Variants in TOGARAM1 observed in about 807,000 individuals in gnomAD.
TOGARAM1 encodes the protein TOG array regulator of axonemal microtubules 1.
In TOGARAM1, 100 loss-of-function variants were observed where a neutral mutation model predicts 166.6. The ratio of observed to expected loss-of-function variants is 0.60; its 90% CI spans 0.51 to 0.71. The LOEUF (loss-of-function observed/expected upper bound fraction) is 0.71, where lower values mean the gene tolerates loss of function less well. Among genes scored for constraint, TOGARAM1 ranks in the 30% least tolerant of loss-of-function variants. The pLI is 0.00. For missense variants in TOGARAM1, 2,029 were observed against 2,102.7 expected, an observed-to-expected ratio of 0.96 and a Z score of 0.69; for synonymous variants, 758 against 763.8, an observed-to-expected ratio of 0.99 and a Z score of 0.13.
chr14:45,060,793 A>G (rs978688926), intron 16 of TOGARAM1, among the ~76,000 whole-genome samples: 3 of 152,212 alleles, frequency 2.0e-5, no homozygotes, highest in African/African-American at 7.2e-5. Context: ...ACACCACAGA[A>G]GTGATGTTGT....
In TOGARAM1 at chr14:44,962,625, C is replaced by G; in HGVS notation, c.204C>G (p.Ala68=). 1 of 1,613,756 alleles carries G rather than the reference C, an allele frequency of 6.2e-7. No homozygotes were observed. Among genetic ancestry groups the G allele is most frequent in the Non-Finnish European group, 8.5e-7 (1 of 1,179,760 alleles). Residue 68 remains alanine, a synonymous_variant, in exon 1 of 20, where the codon GCC becomes GCG. Coordinates refer to ENST00000361462, the MANE Select transcript of TOGARAM1 (RefSeq NM_001308120.2). ...GSCPTTTSPL[A]SALLMPSEAV... ...GCCCCACTACAACTTCGCCTCTGGC[C>G]TCGGCCCTCTTGATGCCCTCGGAGG... is the stretch of plus-strand genomic sequence containing the variant.
intron 16 of TOGARAM1, among the ~76,000 whole-genome samples, chr14:45,057,486 G>C (rs1296839859): frequency 6.6e-6 from 1 of 151,924 alleles, no homozygotes; most frequent in Non-Finnish European, 1.5e-5. Flanking sequence ...AAGTGTAGTG[G>C]CATCATCATA....
At chr14:45,012,951 C>A in intron 7 of TOGARAM1, among the ~76,000 whole-genome samples, 1 of 152,178 alleles carries the variant, frequency 6.6e-6, no homozygotes, top group East Asian at 1.9e-4. Context: ...ATCTCACTTA[C>A]TTTGAAACTG....
At chr14:44,976,244 C>T (rs1348546626) in intron 1 of TOGARAM1, among the ~76,000 whole-genome samples, 4 of 152,168 alleles carry the variant, frequency 2.6e-5, no homozygotes, top group Admixed American at 6.5e-5. Context: ...TATCCTTATT[C>T]GTTGCCTATC....
intron 1 of TOGARAM1, among the ~76,000 whole-genome samples, chr14:44,989,922 T>C (rs1887040313): frequency 6.6e-6 from 1 of 152,166 alleles, no homozygotes. Context: ...AGGCACATCT[T>C]ACATGGCAGC....
In TOGARAM1 at chr14:45,004,160, A is replaced by C. The variant is rs764762357; in HGVS notation, c.2438A>C (p.Tyr813Ser). 9 of 1,613,990 alleles carry C rather than the reference A, an allele frequency of 5.6e-6. No homozygotes were observed. Among genetic ancestry groups the C allele is most frequent in the South Asian group, 3.3e-5 (3 of 91,082 alleles). Residue 813 changes from tyrosine to serine, a missense_variant, in exon 4 of 20, where the codon TAC becomes TCC. Tyr to Ser is a moderately radical substitution (Grantham distance 144). This residue lies in a region of TOGARAM1 where 1,453 missense variants were observed against 1,432.2 expected (regional missense o/e 1.01). Transcript: ENST00000361462. ...SNGQNPSPGA[Y>S]ILPSYPVSSP... The stretch of plus-strand genomic sequence containing the variant: ...GGTCAAAATCCAAGTCCAGGAGCTT[A>C]CATCCTTCCATCCTATCCTGTCTCA...
chr14:44,965,107 G>T (rs891530993), intron 1 of TOGARAM1, among the ~76,000 whole-genome samples: 3 of 152,094 alleles, frequency 2.0e-5, no homozygotes, highest in African/African-American at 7.2e-5. Context: ...ATATTTACCA[G>T]TTGTAACATC....
intron 3 of TOGARAM1, among the ~76,000 whole-genome samples, chr14:45,002,072 A>C (rs1399440128): frequency 2.0e-5 from 3 of 152,186 alleles, no homozygotes; most frequent in Non-Finnish European, 4.4e-5. Flanking sequence ...AATGATTTGA[A>C]ATTAGTAGAG....
In TOGARAM1 at chr14:44,963,381, T is replaced by G; in HGVS notation, c.960T>G (p.Pro320=). Residue 320 remains proline (P), a synonymous_variant, in exon 1 of 20, where the codon CCT becomes CCG. Coordinates refer to ENST00000361462, the MANE Select transcript of TOGARAM1 (RefSeq NM_001308120.2). ...AGTCCCAGTTTGGAAGTCAGGTTCC[T>G]TATTATTTGGAACTTGAAGCCTCTG... ...RLESQFGSQV[P]YYLELEASGF... The G allele has an allele frequency of 6.2e-7, 1 of 1,614,198 alleles. No individual in the cohort carries two copies. Among genetic ancestry groups the G allele is most frequent in the Non-Finnish European group, 8.5e-7 (1 of 1,180,024 alleles).
intron 11 of TOGARAM1, among the ~76,000 whole-genome samples, chr14:45,041,541 G>A (rs887371743): frequency 1.3e-5 from 2 of 152,148 alleles, no homozygotes; most frequent in African/African-American, 4.8e-5. Context: ...CTCATTGATT[G>A]AGGCTACCAT....
At chr14:44,998,520 G>GC (rs1279197527) in intron 2 of TOGARAM1, among the ~76,000 whole-genome samples, 1 of 152,192 alleles carries the variant, frequency 6.6e-6, no homozygotes, top group Non-Finnish European at 1.5e-5. Flanking sequence ...TTCGAGACCA[G>GC]CCTTAAATAA....
chr14:45,044,577 T>G, intron 12 of TOGARAM1, 58 bp from the exon 13 acceptor site: 19 of 1,207,162 alleles, frequency 1.6e-5, no homozygotes, highest in East Asian at 2.4e-5. Context: ...TTCCAAGTTA[T>G]TATTAGTGAT....
intron 10 of TOGARAM1, among the ~76,000 whole-genome samples, chr14:45,031,558 A>T (rs1881156045): frequency 6.6e-6 from 1 of 152,226 alleles, no homozygotes; most frequent in Non-Finnish European, 1.5e-5. Context: ...GTTATAAAAC[A>T]GGTATATATC....
At chr14:44,981,849 T>C (rs914656482) in intron 1 of TOGARAM1, among the ~76,000 whole-genome samples, 3 of 148,360 alleles carry the variant, frequency 2.0e-5, no homozygotes, top group African/African-American at 5.0e-5. Flanking sequence ...TACTTTTTTT[T>C]TTTTTTTTTT....
intron 3 of TOGARAM1, among the ~76,000 whole-genome samples, chr14:45,002,904 G>A (rs939402910): frequency 2.6e-5 from 4 of 152,108 alleles, no homozygotes; most frequent in African/African-American, 9.7e-5. Flanking sequence ...GTGTGAACCC[G>A]GGAGGCAGAG....
intron 4 of TOGARAM1, 27 bp from the exon 5 acceptor site, chr14:45,005,981 A>G: frequency 1.3e-6 from 2 of 1,520,498 alleles, no homozygotes; most frequent in African/African-American, 1.4e-5. Flanking sequence ...AGAAAAAGAA[A>G]AAGTAAAATA....
chr14:45,055,559 CT>C (rs1017101213), intron 16 of TOGARAM1, among the ~76,000 whole-genome samples: 44 of 152,182 alleles, frequency 2.9e-4, no homozygotes, highest in African/African-American at 8.4e-4. Context: ...AATCCCAGCA[CT>C]TTGGGATGCT....
chr14:45,065,862 C>A (rs1195351135), intron 16 of TOGARAM1, among the ~76,000 whole-genome samples: 2 of 152,158 alleles, frequency 1.3e-5, no homozygotes, highest in Non-Finnish European at 2.9e-5. Context: ...TAGATCTCAA[C>A]GGGCAAGGAA....
chr14:45,044,926 C>T (rs1174520005), intron 13 of TOGARAM1, 56 bp downstream of exon 13: 63 of 1,310,786 alleles, frequency 4.8e-5, no homozygotes, highest in Non-Finnish European at 6.5e-5. Flanking sequence ...ATGTTGCAAT[C>T]GGGACTGTAG....
Sources: gnomAD v4.1 joint callset for allele counts (sites outside exome capture counted in the v4.1 genomes callset) on GRCh38, gnomAD v4.1.1 for gene constraint, gnomAD v4.1.1 regional missense constraint, MANE v1.5 for transcripts, NCBI Gene and HGNC (gene_info 2026-07-23, HGNC 2026-07-21) for gene names.